The following SLC29A4 variants were observed in gnomAD, a reference collection of about 807,000 sequenced individuals.
SLC29A4 encodes equilibrative nucleoside transporter 4.
Under a neutral mutation model 43.9 loss-of-function variants are expected in SLC29A4, and 36 were observed. That is an observed-to-expected ratio of 0.82 (90% confidence interval 0.63 to 1.08). SLC29A4 has a LOEUF of 1.08. Among genes scored for constraint, SLC29A4 ranks in the 50% least tolerant of loss-of-function variants. The pLI is 0.00. For missense variants in SLC29A4, 869 were observed against 755.3 expected (o/e 1.15, Z -1.77); for synonymous variants, 491 against 338.0 (o/e 1.45, Z -4.97).
chr7:5,299,445 C>T lies in SLC29A4; in HGVS notation c.1209+18C>T, dbSNP rs201917810. 1,119 of 1,604,404 alleles carry T rather than the reference C, an allele frequency of 7.0e-4. 1 individual carries two copies. The highest frequency in any genetic ancestry group is 3.5e-3 in the Middle Eastern group (17 of 4,906). On this transcript the variant is annotated intron_variant, in intron 9 of 10. Transcript: ENST00000396872. Reference sequence around the variant, plus strand: ...TGGGCAAGGTGGGCTGCCTGCCCTGCCCGGTGTCGGGGGACGCCATGGGGT... The same window carrying T: ...TGGGCAAGGTGGGCTGCCTGCCCTGTCCGGTGTCGGGGGACGCCATGGGGT...
chr7:5,287,384 C>T (rs1785018509), intron 1 of SLC29A4, among the ~76,000 whole-genome samples: 1 of 150,644 alleles, frequency 6.6e-6, no homozygotes, highest in African/African-American at 2.5e-5. Context: ...CACCACCATA[C>T]TCCAACCTGG....
intron 2 of SLC29A4, among the ~76,000 whole-genome samples, 182 bp from the exon 3 acceptor site, chr7:5,290,550 C>G (rs578228815): frequency 1.3e-5 from 2 of 152,264 alleles, no homozygotes; most frequent in East Asian, 3.9e-4. Flanking sequence ...GCTGTAGCCA[C>G]AGTATTTGGT....
intron 8 of SLC29A4, 45 bp downstream of exon 8, chr7:5,299,171 C>G (rs565038354): frequency 1.3e-6 from 2 of 1,599,174 alleles, no homozygotes; most frequent in East Asian, 2.2e-5. Flanking sequence ...GGCACCCAGG[C>G]AGGGGGTGGG....
chr7:5,292,011 AGT>A (rs1386564710), intron 5 of SLC29A4, among the ~76,000 whole-genome samples, 190 bp downstream of exon 5: 7 of 152,350 alleles, frequency 4.6e-5, no homozygotes, highest in African/African-American at 1.7e-4. Flanking sequence ...GTGTGTCTGC[AGT>A]GTGTGCGCAG....
intron 6 of SLC29A4, among the ~76,000 whole-genome samples, chr7:5,295,738 G>C (rs1426416569): frequency 2.2e-5 from 2 of 92,082 alleles, no homozygotes; most frequent in East Asian, 4.7e-4. Context: ...GCCTGGTGCT[G>C]AGGTCCACCA....
Position 5,290,789 on chromosome 7 carries a change from T to C in SLC29A4, c.227T>C (p.Leu76Pro). ...CACGCCATCTACTTTGCGATGCTGC[T>C]GGCTGGCGTGGGCTTCCTGCTGCCA... ...RYHAIYFAMLLAGVGFLLPYN... is the reference protein window; with the variant it reads ...RYHAIYFAMLPAGVGFLLPYN... Residue 76 changes from leucine (L) to proline (P), a missense_variant, in exon 3 of 11, where the codon CTG (leucine) becomes CCG (proline). Coordinates refer to ENST00000396872, the MANE Select transcript of SLC29A4 (RefSeq NM_153247.4). The C allele has an allele frequency of 1.2e-6, 2 of 1,614,088 alleles. No homozygotes were observed. The highest frequency in any genetic ancestry group is 1.7e-6 in the Non-Finnish European group (2 of 1,179,970).
At chr7:5,287,386 C>G (rs138224658) in intron 1 of SLC29A4, among the ~76,000 whole-genome samples, 4,547 of 151,240 alleles carry the variant, frequency 0.03, 242 homozygotes, top group African/African-American at 0.1. Context: ...CCACCATACT[C>G]CAACCTGGGT....
rs1279153205 is a variant in SLC29A4 at position 5,302,872 on chromosome 7, C to T, written c.1526C>T (p.Thr509Ile). ...GTGGCCTACTGCACCTACAGCCTCA[C>T]CCGCGACGCTCACGGCAGCTGCCTG... ...SAVAYCTYSL[T>I]RDAHGSCLHA... is the part of the protein sequence containing the mutation. The change falls in exon 11 of 11, where the codon ACC becomes ATC. Residue 509 changes from threonine (T) to isoleucine (I), a missense_variant. Physicochemically the swap from Thr to Ile is moderately conservative, Grantham distance 89. Transcript: ENST00000396872. 2 of 1,604,004 alleles carry T rather than the reference C, an allele frequency of 1.2e-6. No homozygotes were observed. Among genetic ancestry groups the T allele is most frequent in the East Asian group, 2.2e-5 (1 of 44,510 alleles).
At chr7:5,297,259 C>T (rs1785772738) in intron 7 of SLC29A4, 61 bp downstream of exon 7, 11 of 1,440,008 alleles carry the variant, frequency 7.6e-6, no homozygotes, top group East Asian at 2.5e-5. Context: ...CCCACCGCTT[C>T]GTCGGGAAGT....
At chr7:5,283,342 C>G (rs1257814747) in intron 1 of SLC29A4, among the ~76,000 whole-genome samples, 1 of 148,258 alleles carries the variant, frequency 6.7e-6, no homozygotes, top group Non-Finnish European at 1.5e-5. Context: ...TCCCTGAGCA[C>G]CGCGCGGGGG....
At chr7:5,300,732 C>A in intron 10 of SLC29A4, 70 bp downstream of exon 10, 1 of 1,558,480 alleles carries the variant, frequency 6.4e-7, no homozygotes, top group Non-Finnish European at 8.6e-7. Flanking sequence ...CGAGGAAACC[C>A]AGGCTAGACC....
intron 5 of SLC29A4, among the ~76,000 whole-genome samples, chr7:5,293,537 C>G (rs543777863): frequency 6.6e-6 from 1 of 152,156 alleles, no homozygotes; most frequent in Non-Finnish European, 1.5e-5. Flanking sequence ...TTTTATATTA[C>G]GGCCCTGTAA....
At chr7:5,285,383 TC>T (rs539177954) in intron 1 of SLC29A4, among the ~76,000 whole-genome samples, 160 of 151,514 alleles carry the variant, frequency 1.1e-3, no homozygotes, top group Middle Eastern at 6.9e-3. Flanking sequence ...CCCCCAGAAG[TC>T]CGGGACCGCC....
At position 5,299,277 on chromosome 7, in the gene SLC29A4, C is replaced by T. The variant is rs1220988973; in HGVS notation, c.1059C>T (p.Ile353=). ...LLHRYVVARV[I]WADMLSIAVT... ...ACCGCTACGTGGTGGCGCGGGTGAT[C>T]TGGGCCGACATGCTCTCCATCGCCG... The change falls in exon 9 of 11, where the codon ATC becomes ATT. Residue 353 remains isoleucine, a synonymous_variant. Transcript: ENST00000396872. The T allele has an allele frequency of 6.2e-7, 1 of 1,612,128 alleles. No homozygotes were observed. Among genetic ancestry groups the T allele is most frequent in the African/African-American group, 1.3e-5 (1 of 75,004 alleles).
chr7:5,286,528 A>G (rs1784959899), intron 1 of SLC29A4, among the ~76,000 whole-genome samples: 1 of 142,054 alleles, frequency 7.0e-6, no homozygotes, highest in Non-Finnish European at 1.5e-5. Flanking sequence ...ATCTCAAAAA[A>G]AAAAAAGAAA....
intron 5 of SLC29A4, 46 bp from the exon 6 acceptor site, chr7:5,294,814 A>T: frequency 6.3e-7 from 1 of 1,587,018 alleles, no homozygotes; most frequent in African/African-American, 1.4e-5. Context: ...CCAAGTTGAC[A>T]GGTGATAATG....
rs190163820 is a variant in SLC29A4 at position 5,294,085 on chromosome 7, G to A, written c.545-775G>A. Among the ~76,000 whole-genome samples the A allele has an allele frequency of 8.3e-4, 126 of 150,990 alleles. 1 individual carries two copies. The highest frequency in any genetic ancestry group is 3.0e-3 in the African/African-American group (122 of 41,196). The stretch of plus-strand genomic sequence containing the variant: ...CGCACCACTGCACTCCAGCCCAGAC[G>A]ACAGTGCGAGGCTCTATCTGGAAAA... On this transcript the variant is annotated intron_variant, in intron 5 of 10. Transcript: ENST00000396872.
chr7:5,298,962 C>G (rs1315673287), intron 7 of SLC29A4, 26 bp from the exon 8 acceptor site: 1 of 1,601,584 alleles, frequency 6.2e-7, no homozygotes, highest in Non-Finnish European at 8.5e-7. Context: ...CCACTCCAAC[C>G]CCATCCCACT....
At chr7:5,302,030 A>G (rs1372724140) in intron 10 of SLC29A4, among the ~76,000 whole-genome samples, 1 of 152,090 alleles carries the variant, frequency 6.6e-6, no homozygotes, top group East Asian at 1.9e-4. Context: ...AGCTCACTGC[A>G]ACCTCTGCCT....
Sources: allele counts gnomAD v4.1 joint callset (sites outside exome capture counted in the v4.1 genomes callset), GRCh38; gene constraint gnomAD v4.1.1; transcripts MANE v1.5; gene names NCBI Gene and HGNC (gene_info 2026-07-23, HGNC 2026-07-21).